FUT8: variants seen among roughly 807,000 people sequenced by gnomAD.
The protein encoded by FUT8 is alpha-(1,6)-fucosyltransferase.
Under a neutral mutation model 71.3 loss-of-function variants are expected in FUT8, and 29 were observed. The observed-to-expected ratio is 0.41, with a 90% CI of 0.30 to 0.55. The LOEUF (loss-of-function observed/expected upper bound fraction) is 0.55, where lower values mean the gene tolerates loss of function less well. Ranked by LOEUF, FUT8 falls within the 20% of genes least tolerant of loss-of-function variation. FUT8 has a pLI of 0.34. For missense variants in FUT8, 544 were observed against 702.1 expected (o/e 0.77, Z 2.55); for synonymous variants, 254 against 239.3 (o/e 1.06, Z -0.57).
intron 2 of FUT8, among the ~76,000 whole-genome samples, chr14:65,539,635 A>G (rs1040281945): frequency 6.6e-6 from 1 of 152,204 alleles, no homozygotes; most frequent in African/African-American, 2.4e-5. Context: ...ATAATAGAGA[A>G]TGTTTATTGA....
chr14:65,455,775 G>T (rs368381004), intron 2 of FUT8, 57 bp downstream of exon 2: 14 of 396,772 alleles, frequency 3.5e-5, no homozygotes, highest in African/African-American at 2.5e-4. Flanking sequence ...AATATTTTGA[G>T]AAATAGATAA....
intron 6 of FUT8, among the ~76,000 whole-genome samples, chr14:65,634,415 C>T (rs1360582778): frequency 3.3e-5 from 5 of 152,242 alleles, no homozygotes; most frequent in African/African-American, 1.2e-4. Flanking sequence ...TATCCAGGGA[C>T]ACAAACACTG....
the FUT8 span, among the ~76,000 whole-genome samples, chr14:65,393,053 G>C: frequency 6.6e-6 from 1 of 152,298 alleles, no homozygotes; most frequent in Admixed American, 6.5e-5. Context: ...GTCTTTCCTT[G>C]CCTTTTGGTT....
intron 7 of FUT8, among the ~76,000 whole-genome samples, chr14:65,699,575 G>T (rs1256600264): frequency 6.6e-6 from 1 of 152,156 alleles, no homozygotes; most frequent in Non-Finnish European, 1.5e-5. Context: ...CAAGAGATAA[G>T]TCACTTAGCA....
intron 7 of FUT8, among the ~76,000 whole-genome samples, chr14:65,702,346 A>AG (rs1258136593): frequency 2.4e-4 from 1 of 4,232 alleles, no homozygotes; most frequent in Non-Finnish European, 6.9e-4. Context: ...ACTCCATCTC[A>AG]AAAAAAAAAA....
chr14:65,531,238 T>G (rs1883937226), intron 2 of FUT8, among the ~76,000 whole-genome samples: 1 of 152,118 alleles, frequency 6.6e-6, no homozygotes, highest in Non-Finnish European at 1.5e-5. Context: ...ATGGCTCTTA[T>G]GCTTATGATT....
chr14:65,575,624 T>TTCCTTCCTTCCC (rs1450820244), intron 3 of FUT8, among the ~76,000 whole-genome samples: 1 of 137,216 alleles, frequency 7.3e-6, no homozygotes, highest in Non-Finnish European at 1.5e-5. Context: ...CCTTCCTTCC[T>TTCCTTCCTTCCC]CTTTTTTTTT....
intron 1 of FUT8, among the ~76,000 whole-genome samples, chr14:65,418,666 T>C (rs1295883298): frequency 1.3e-5 from 2 of 152,136 alleles, no homozygotes; most frequent in Non-Finnish European, 2.9e-5. Context: ...GCTTGCCTTA[T>C]TTGGAGATGA....
Position 65,742,431 on chromosome 14 carries a change from A to ACGACCAAACTCAGTT in FUT8, c.*38_*52dup, listed in dbSNP as rs764987812. 1 of 1,600,396 alleles carries ACGACCAAACTCAGTT rather than the reference A, an allele frequency of 6.2e-7. No homozygotes were observed. ...AATAAAGCTCAGATGGAAGAGATAA[A>ACGACCAAACTCAGTT]CGACCAAACTCAGTTCGACCAAACT... On this transcript the variant is annotated 3_prime_UTR_variant, in exon 11 of 11. Transcript: ENST00000673929.
intron 7 of FUT8, among the ~76,000 whole-genome samples, chr14:65,686,376 C>T (rs994264561): frequency 2.0e-5 from 3 of 152,138 alleles, no homozygotes; most frequent in African/African-American, 7.2e-5. Context: ...GTTCTTGAAT[C>T]GATTCTTTTT....
At chr14:65,377,727 TC>T in the FUT8 span, among the ~76,000 whole-genome samples, 1 of 139,186 alleles carries the variant, frequency 7.2e-6, no homozygotes, top group African/African-American at 2.5e-5. Context: ...CAAGAATCTT[TC>T]TGAGGATGTT....
At chr14:65,666,775 A>G (rs1368074960) in intron 6 of FUT8, among the ~76,000 whole-genome samples, 1 of 152,190 alleles carries the variant, frequency 6.6e-6, no homozygotes, top group Non-Finnish European at 1.5e-5. Context: ...AAAATCCTCA[A>G]CAAAATAATA....
At chr14:65,727,422 G>A (rs560189578) in intron 9 of FUT8, among the ~76,000 whole-genome samples, 4 of 152,258 alleles carry the variant, frequency 2.6e-5, no homozygotes, top group African/African-American at 9.6e-5. Flanking sequence ...GCGCTCACAG[G>A]CCCAACACCA....
intron 2 of FUT8, among the ~76,000 whole-genome samples, chr14:65,474,829 T>C (rs17102708): frequency 0.016 from 2,378 of 152,292 alleles, 52 homozygotes; most frequent in East Asian, 0.092. Flanking sequence ...CTGATATTCA[T>C]CCTTCATTTT....
At chr14:65,515,751 T>A (rs551453561) in intron 2 of FUT8, among the ~76,000 whole-genome samples, 1 of 152,150 alleles carries the variant, frequency 6.6e-6, no homozygotes, top group Non-Finnish European at 1.5e-5. Flanking sequence ...GTGTGGTACA[T>A]TGTATTGAAG....
chr14:65,699,897 T>C (rs1296051182), intron 7 of FUT8, among the ~76,000 whole-genome samples: 1 of 152,188 alleles, frequency 6.6e-6, no homozygotes, highest in Non-Finnish European at 1.5e-5. Context: ...CCAGTATTCT[T>C]TATGAATTAT....
At chr14:65,545,527 T>C (rs1285535494) in intron 2 of FUT8, among the ~76,000 whole-genome samples, 2 of 152,034 alleles carry the variant, frequency 1.3e-5, no homozygotes, top group Non-Finnish European at 3.0e-5. Flanking sequence ...TAACAGTCAT[T>C]CGTTAAATTT....
intron 2 of FUT8, among the ~76,000 whole-genome samples, chr14:65,465,382 G>A (rs757549434): frequency 2.0e-4 from 30 of 152,078 alleles, no homozygotes; most frequent in Non-Finnish European, 4.1e-4. Context: ...ATGTTGCCCA[G>A]GCTGGTCTAG....
chr14:65,721,660 A>T (rs1895422163), intron 7 of FUT8, 115 bp from the exon 8 acceptor site: 1 of 1,038,632 alleles, frequency 9.6e-7, no homozygotes, highest in East Asian at 2.4e-5. Context: ...TAAAGTGAAG[A>T]TTATACTTCT....
Sources: gnomAD v4.1 joint callset for allele counts (sites outside exome capture counted in the v4.1 genomes callset) on GRCh38, gnomAD v4.1.1 for gene constraint, MANE v1.5 for transcripts, NCBI Gene and HGNC (gene_info 2026-07-23, HGNC 2026-07-21) for gene names.